Variants in BACE2 observed in about 807,000 individuals in gnomAD.
BACE2 encodes 56 kDa aspartic-like protease.
Under a neutral mutation model 46.2 loss-of-function variants are expected in BACE2, and 17 were observed. That is an observed-to-expected ratio of 0.37 (90% CI 0.25 to 0.55). The LOEUF is 0.55. BACE2 is among the 20% of genes least tolerant of loss of function. The pLI is 0.82. For synonymous variants in BACE2, 277 were observed against 295.9 expected (o/e 0.94, Z 0.66); for missense variants, 595 against 698.1 (o/e 0.85, Z 1.66).
chr21:41,223,732 T>C (rs1484563319), intron 1 of BACE2, among the ~76,000 whole-genome samples: 2 of 152,188 alleles, frequency 1.3e-5, no homozygotes, highest in East Asian at 3.8e-4. Flanking sequence ...GCATCTCTTT[T>C]TGGAAAACAC....
At chr21:41,242,946 G>A (rs974439366) in intron 4 of BACE2, among the ~76,000 whole-genome samples, 4 of 151,618 alleles carry the variant, frequency 2.6e-5, no homozygotes, top group East Asian at 1.9e-4. Flanking sequence ...ATGGAGTCTC[G>A]CTCTGTCGCC....
rs2123575045 is a variant in BACE2 at position 41,226,618 on chromosome 21, C to T, written c.401+264C>T. On this transcript the variant is annotated intron_variant, in intron 2 of 8. Transcript: ENST00000330333. ...CTAAAAATCCAAGTCAAACACAACTCCTTTAGTTATCCCAAGTCGCAGGGA... is the reference window on the plus strand; with the variant it reads ...CTAAAAATCCAAGTCAAACACAACTTCTTTAGTTATCCCAAGTCGCAGGGA... Among the ~76,000 whole-genome samples the T allele has an allele frequency of 2.0e-5, 3 of 152,312 alleles. No homozygotes were observed. The Middle Eastern group carries it at 0.01, about 518-fold the overall frequency.
At chr21:41,251,277 G>T (rs1987629467) in intron 7 of BACE2, among the ~76,000 whole-genome samples, 1 of 152,144 alleles carries the variant, frequency 6.6e-6, no homozygotes, top group African/African-American at 2.4e-5. Flanking sequence ...ACCACACAGG[G>T]GCTCCTGAAG....
intron 3 of BACE2, among the ~76,000 whole-genome samples, chr21:41,240,473 G>A (rs1313335573): frequency 1.3e-5 from 2 of 152,232 alleles, no homozygotes; most frequent in African/African-American, 4.8e-5. Flanking sequence ...TGCTTTACAG[G>A]TATTGGCCCA....
intron 8 of BACE2, among the ~76,000 whole-genome samples, chr21:41,266,972 G>A (rs563320476): frequency 6.6e-6 from 1 of 151,934 alleles, no homozygotes; most frequent in African/African-American, 2.4e-5. Flanking sequence ...GTGTGTGTGT[G>A]TGTGTGTGTT....
At chr21:41,256,311 A>G (rs906160968) in intron 7 of BACE2, among the ~76,000 whole-genome samples, 10 of 151,440 alleles carry the variant, frequency 6.6e-5, no homozygotes, top group African/African-American at 1.7e-4. Flanking sequence ...TTATTGTTCA[A>G]CTCCCACTTA....
At chr21:41,195,623 G>A (rs1296182333) in intron 1 of BACE2, among the ~76,000 whole-genome samples, 2 of 152,182 alleles carry the variant, frequency 1.3e-5, no homozygotes, top group Non-Finnish European at 2.9e-5. Context: ...GGTGAGGTCA[G>A]AGGCACAGTC....
intron 5 of BACE2, among the ~76,000 whole-genome samples, chr21:41,245,274 G>T (rs962761881): frequency 9.2e-5 from 14 of 152,204 alleles, no homozygotes; most frequent in African/African-American, 3.4e-4. Context: ...TTGCCTTAAG[G>T]CAGGAGGATC....
Position 41,243,385 on chromosome 21 carries a change from G to A in BACE2, c.757G>A (p.Gly253Arg). The A allele has an allele frequency of 6.2e-7, 1 of 1,600,402 alleles. No individual in the cohort carries two copies. ...ATATTTCCTGTCCCAGGTCTTGGGT[G>A]GAATTGAACCAAGTTTGTATAAAGG... ...GTNGGSLVLG[G>R]IEPSLYKGDI... The change falls in exon 5 of 9, where the codon GGA (glycine) becomes AGA (arginine). Residue 253 changes from glycine to arginine, a missense_variant. Transcript: ENST00000330333.
Position 41,275,961 on chromosome 21 carries a change from T to C in BACE2, c.*337T>C. The C allele has an allele frequency of 3.8e-6, 1 of 263,900 alleles. No homozygotes were observed. Among genetic ancestry groups the C allele is most frequent in the Non-Finnish European group, 7.3e-6 (1 of 137,342 alleles). The allele number at this position is 263,900 out of a possible 1,614,324, so 16.3% of individuals were successfully genotyped here. ...AACCAAGCCTTGGCTCGTTCTCTTC[T>C]CTCTTCAATCTCTGGAAAAATAAGT... On this transcript the variant is annotated 3_prime_UTR_variant, in exon 9 of 9. Coordinates refer to ENST00000330333, the MANE Select transcript of BACE2 (RefSeq NM_012105.5).
At chr21:41,174,106 A>G (rs1015169600) in intron 1 of BACE2, among the ~76,000 whole-genome samples, 1 of 141,584 alleles carries the variant, frequency 7.1e-6, no homozygotes, top group Admixed American at 7.4e-5. Context: ...GAATGATCCC[A>G]AAATGATAAG....
chr21:41,197,435 A>T (rs1985778754), intron 1 of BACE2, among the ~76,000 whole-genome samples: 1 of 152,164 alleles, frequency 6.6e-6, no homozygotes, highest in Admixed American at 6.5e-5. Flanking sequence ...AACACAAAAC[A>T]GGTCCCTTTA....
At chr21:41,252,627 TAA>T (rs1248660673) in intron 7 of BACE2, 1 of 152,172 alleles carries the variant, frequency 6.6e-6, no homozygotes, top group African/African-American at 2.4e-5. Flanking sequence ...GCTGTGGGGG[TAA>T]AAGATTGTCC....
intron 1 of BACE2, among the ~76,000 whole-genome samples, chr21:41,211,186 C>T (rs534783358): frequency 1.3e-5 from 2 of 151,794 alleles, no homozygotes; most frequent in Non-Finnish European, 1.5e-5. Context: ...CCCTCTCCCC[C>T]CTTCACTGCC....
chr21:41,226,205 T>C, intron 1 of BACE2, 61 bp from the exon 2 acceptor site: 2 of 1,277,380 alleles, frequency 1.6e-6, no homozygotes, highest in East Asian at 2.3e-5. Context: ...TATTCAAGAG[T>C]ATTGCCTTAT....
At chr21:41,238,199 C>T (rs1292222854) in intron 3 of BACE2, among the ~76,000 whole-genome samples, 1 of 152,210 alleles carries the variant, frequency 6.6e-6, no homozygotes, top group Non-Finnish European at 1.5e-5. Context: ...TCCGAGGAGA[C>T]ACCCAGCATG....
At chr21:41,173,132 C>T (rs1030538727) in intron 1 of BACE2, among the ~76,000 whole-genome samples, 3 of 152,192 alleles carry the variant, frequency 2.0e-5, no homozygotes, top group African/African-American at 7.2e-5. Flanking sequence ...TCACAGGTAC[C>T]GGAGTTACGT....
chr21:41,226,198 T>G, intron 1 of BACE2, 68 bp from the exon 2 acceptor site: 1 of 1,210,474 alleles, frequency 8.3e-7, no homozygotes, highest in Non-Finnish European at 1.2e-6. Flanking sequence ...AAAACATTAT[T>G]CAAGAGTATT....
At chr21:41,261,357 C>G (rs575324184) in intron 8 of BACE2, among the ~76,000 whole-genome samples, 39 of 152,282 alleles carry the variant, frequency 2.6e-4, no homozygotes, top group Middle Eastern at 3.4e-3. Flanking sequence ...CTTTCAAGAT[C>G]ATACAACTTT....
Sources: allele counts gnomAD v4.1 joint callset (sites outside exome capture counted in the v4.1 genomes callset), GRCh38; gene constraint gnomAD v4.1.1; transcripts MANE v1.5; gene names NCBI Gene and HGNC (gene_info 2026-07-23, HGNC 2026-07-21).